The following PBX1 variants were observed in gnomAD, a reference collection of about 807,000 sequenced individuals.
PBX1 encodes PBX homeobox 1.
PBX1 carries 6 observed loss-of-function variants against 53.4 expected under a neutral mutation model. The ratio of observed to expected loss-of-function variants is 0.11; its 90% CI spans 0.06 to 0.22. PBX1 has a LOEUF of 0.22. Among genes scored for constraint, PBX1 ranks in the 10% least tolerant of loss-of-function variants. The pLI is 1.00. For missense variants in PBX1, 251 were observed against 551.4 expected (o/e 0.46, Z 5.46); for synonymous variants, 204 against 212.3 (o/e 0.96, Z 0.34).
chr1:164,702,191 T>TG (rs1663162452), intron 2 of PBX1, among the ~76,000 whole-genome samples: 1 of 150,866 alleles, frequency 6.6e-6, no homozygotes, highest in Non-Finnish European at 1.5e-5. Context: ...ACGATGAGGT[T>TG]TTTTTTTTAA....
rs1652886784 is a variant in PBX1, at chr1:164,559,750, AG to A, written c.-72del. 8.5e-7 allele frequency: 1 copy of A among 1,170,470 alleles called. No individual in the cohort carries two copies. The highest frequency in any genetic ancestry group is 3.0e-5 in the Admixed American group (1 of 33,800). The allele number at this position is 1,170,470 out of a possible 1,614,324, so 72.5% of individuals were successfully genotyped here. ...TTGAAGACAAGCTTGAAGGATAAAA[AG>A]CCTTGGTGCTTCCCAGGAGCCGAGC... On this transcript the variant is annotated 5_prime_UTR_variant, in exon 1 of 9. Transcript: ENST00000420696.
At chr1:164,830,748 T>C (rs2102387942) in intron 8 of PBX1, among the ~76,000 whole-genome samples, 1 of 152,314 alleles carries the variant, frequency 6.6e-6, no homozygotes, top group Non-Finnish European at 1.5e-5. Context: ...AAGCCTTTGC[T>C]GGCAGCCTCT....
rs116277083 is a variant in PBX1 at position 164,748,280 on chromosome 1, T to C, written c.266-44214T>C. Among the ~76,000 whole-genome samples, 1,215 of 152,320 alleles carry C rather than the reference T, an allele frequency of 8.0e-3. 11 individuals are homozygous for C. Among genetic ancestry groups the C allele is most frequent in the African/African-American group, 0.028 (1,163 of 41,578 alleles). Reference sequence around the variant, plus strand: ...CCAGGGTACGTGGAGAGCCAGTTCATTGAGGTTCGACTGACTTTCCTCGCC... The same window carrying C: ...CCAGGGTACGTGGAGAGCCAGTTCACTGAGGTTCGACTGACTTTCCTCGCC... On this transcript the variant is annotated intron_variant, in intron 2 of 8. Transcript: ENST00000420696.
At chr1:164,635,717 G>A (rs1473184034) in intron 2 of PBX1, among the ~76,000 whole-genome samples, 1 of 152,200 alleles carries the variant, frequency 6.6e-6, no homozygotes, top group East Asian at 1.9e-4. Flanking sequence ...TAGATTTTCT[G>A]TTTTAATTTA....
chr1:164,649,286 C>T (rs1659645086), intron 2 of PBX1, among the ~76,000 whole-genome samples: 1 of 152,144 alleles, frequency 6.6e-6, no homozygotes, highest in Admixed American at 6.5e-5. Flanking sequence ...ACATCTAAAG[C>T]ACTTTTATTA....
intron 8 of PBX1, among the ~76,000 whole-genome samples, chr1:164,836,797 G>T (rs1671061193): frequency 6.6e-6 from 1 of 152,170 alleles, no homozygotes; most frequent in Admixed American, 6.5e-5. Context: ...CTCTGAAATA[G>T]ATTTGGTGCG....
At chr1:164,707,985 C>G (rs1375686291) in intron 2 of PBX1, among the ~76,000 whole-genome samples, 5 of 152,250 alleles carry the variant, frequency 3.3e-5, no homozygotes, top group Non-Finnish European at 7.3e-5. Flanking sequence ...GGCTAGACTT[C>G]AAGTGGCTTT....
At chr1:164,735,644 AT>A (rs1665226394) in intron 2 of PBX1, among the ~76,000 whole-genome samples, 1 of 152,196 alleles carries the variant, frequency 6.6e-6, no homozygotes. Flanking sequence ...GGTAACACTG[AT>A]GACTAGAGAG....
intron 2 of PBX1, among the ~76,000 whole-genome samples, chr1:164,753,868 G>C (rs1207396374): frequency 6.6e-6 from 1 of 152,186 alleles, no homozygotes; most frequent in Admixed American, 6.5e-5. Context: ...GTTGGAAACG[G>C]GAATGATGCA....
At chr1:164,770,610 C>G (rs1306625096) in intron 2 of PBX1, 3 of 152,176 alleles carry the variant, frequency 2.0e-5, no homozygotes, top group African/African-American at 7.2e-5. Flanking sequence ...TGGCTCATCT[C>G]TATTTTCTGC....
At chr1:164,706,556 C>T (rs1019109307) in intron 2 of PBX1, among the ~76,000 whole-genome samples, 3 of 152,146 alleles carry the variant, frequency 2.0e-5, no homozygotes, top group African/African-American at 7.2e-5. Flanking sequence ...TGTATGATAG[C>T]TGTGTCCTGC....
At chr1:164,854,721 T>C (rs950383376), downstream of PBX1, among the ~76,000 whole-genome samples, 28 of 152,136 alleles carry the variant, frequency 1.8e-4, no homozygotes, top group African/African-American at 6.8e-4. Flanking sequence ...AGCAGTGGCA[T>C]TGCCCAGGAC....
chr1:164,603,961 T>A (rs12123905), intron 2 of PBX1, among the ~76,000 whole-genome samples: 30,382 of 131,930 alleles, frequency 0.23, 4,130 homozygotes, highest in Non-Finnish European at 0.29. Flanking sequence ...TTTTTTTTTT[T>A]TAGAGATGAG....
chr1:164,691,468 GT>G (rs1404349756), intron 2 of PBX1, among the ~76,000 whole-genome samples: 1 of 152,116 alleles, frequency 6.6e-6, no homozygotes, highest in East Asian at 1.9e-4. Context: ...TTTTAACTGT[GT>G]TTTAGAGTGT....
chr1:164,724,670 A>ATTTTTTTTTTTTTTTTT (rs59042806), intron 2 of PBX1, among the ~76,000 whole-genome samples: 5 of 48,238 alleles, frequency 1.0e-4, no homozygotes, highest in Admixed American at 3.7e-4. Context: ...ATAGCTGCAG[A>ATTTTTTTTTTTTTTTTT]TTTTTTTTTT....
At chr1:164,564,783 A>G (rs781729781) in intron 2 of PBX1, among the ~76,000 whole-genome samples, 1 of 151,762 alleles carries the variant, frequency 6.6e-6, no homozygotes, top group African/African-American at 2.4e-5. Flanking sequence ...TCTTTTTTCT[A>G]TTAGCCCAGA....
intron 2 of PBX1, among the ~76,000 whole-genome samples, chr1:164,860,842 T>G (rs1672079980): frequency 6.6e-6 from 1 of 151,908 alleles, no homozygotes; most frequent in Admixed American, 6.6e-5. Flanking sequence ...CACTTAGTAC[T>G]TGCTCAGACA....
chr1:164,849,538 A>G lies in PBX1; in HGVS notation c.*2862A>G. 7.8e-7 allele frequency: 1 copy of G among 1,289,534 alleles called. No individual in the cohort carries two copies. The allele number at this position is 1,289,534 out of a possible 1,614,324, so 79.9% of individuals were successfully genotyped here. A position where few individuals can be genotyped will look rare whatever the true frequency, so the allele number is the denominator to read the frequency against. ...TACAGAGAGCAAGATGCACCCCAGG[A>G]TTTCTTCATTTTCTAATAGATGTGG... On this transcript the variant is annotated 3_prime_UTR_variant, in exon 9 of 9. Transcript: ENST00000420696.
Position 164,665,020 on chromosome 1 carries a change from A to G in PBX1, c.265+101709A>G, listed in dbSNP as rs539423226. On this transcript the variant is annotated intron_variant, in intron 2 of 8. Transcript: ENST00000420696. ...GTCTTAGAAAAGAGACCATTTTGTA[A>G]AAGAGGGAAAAGGAGGACTGTGAAC... Among the ~76,000 whole-genome samples, 4 of 152,276 alleles carry G rather than the reference A, an allele frequency of 2.6e-5. No homozygotes were observed. The East Asian group carries it at 7.7e-4, about 29-fold the overall frequency.
Sources: allele counts gnomAD v4.1 joint callset (sites outside exome capture counted in the v4.1 genomes callset), GRCh38; gene constraint gnomAD v4.1.1; transcripts MANE v1.5; gene names NCBI Gene and HGNC (gene_info 2026-07-23, HGNC 2026-07-21).